The following DTD1 variants were observed in gnomAD, a reference collection of about 807,000 sequenced individuals.
The protein encoded by DTD1 is D-tyrosyl-tRNA deacylase 1 homolog.
DTD1 carries 13 observed loss-of-function variants against 25.6 expected under a neutral mutation model. That is an observed-to-expected ratio of 0.51 (90% CI 0.33 to 0.81). The LOEUF is 0.81. Ranked by LOEUF, DTD1 falls within the 30% of genes least tolerant of loss-of-function variation. DTD1 has a pLI of 0.02. For synonymous variants in DTD1, 110 were observed against 103.6 expected (o/e 1.06, Z -0.37); for missense variants, 193 against 266.4 (o/e 0.72, Z 1.92).
At chr20:18,760,140 T>C (rs1158179991) in intron 5 of DTD1, among the ~76,000 whole-genome samples, 1 of 152,214 alleles carries the variant, frequency 6.6e-6, no homozygotes, top group Non-Finnish European at 1.5e-5. Context: ...ATTCGTCTAA[T>C]CTTTTTTCAA....
chr20:18,594,839 C>T (rs546707372), intron 2 of DTD1, among the ~76,000 whole-genome samples: 8 of 152,176 alleles, frequency 5.3e-5, no homozygotes, highest in Non-Finnish European at 8.8e-5. Flanking sequence ...CTCTGACATA[C>T]TACAGAGCTA....
chr20:18,677,474 G>T (rs182162809), intron 4 of DTD1, among the ~76,000 whole-genome samples: 176 of 152,228 alleles, frequency 1.2e-3, no homozygotes, highest in African/African-American at 3.5e-3. Context: ...CTGGGGAGGG[G>T]TGATCAAAAC....
intron 4 of DTD1, among the ~76,000 whole-genome samples, chr20:18,687,210 TAGGTAGAGGG>T (rs1395902639): frequency 3.9e-5 from 6 of 152,116 alleles, no homozygotes; most frequent in Non-Finnish European, 8.8e-5. Flanking sequence ...AAGGACATCC[TAGGTAGAGGG>T]AACTTCCAGG....
chr20:18,650,573 T>G (rs2060870606), intron 4 of DTD1, among the ~76,000 whole-genome samples: 1 of 152,252 alleles, frequency 6.6e-6, no homozygotes, highest in African/African-American at 2.4e-5. Context: ...TTGTCAGACT[T>G]ATCTTTTAAA....
At chr20:18,756,764 G>A (rs2061341040) in intron 5 of DTD1, among the ~76,000 whole-genome samples, 1 of 151,742 alleles carries the variant, frequency 6.6e-6, no homozygotes, top group Non-Finnish European at 1.5e-5. Context: ...CTCTTTTTTG[G>A]TTCCATATGA....
chr20:18,759,072 GT>G (rs960680588), intron 5 of DTD1, among the ~76,000 whole-genome samples: 1 of 151,624 alleles, frequency 6.6e-6, no homozygotes, highest in East Asian at 1.9e-4. Context: ...GCCTTTTTTT[GT>G]TTTTTCATTT....
intron 4 of DTD1, among the ~76,000 whole-genome samples, chr20:18,717,417 G>C (rs2061185440): frequency 6.6e-6 from 1 of 152,020 alleles, no homozygotes; most frequent in African/African-American, 2.4e-5. Context: ...ATAAGTTTTT[G>C]GTAAATTTTA....
At chr20:18,726,496 G>C (rs2122498955) in intron 4 of DTD1, among the ~76,000 whole-genome samples, 1 of 152,212 alleles carries the variant, frequency 6.6e-6, no homozygotes, top group South Asian at 2.1e-4. Flanking sequence ...ACATAATTCA[G>C]CCTGTCACTC....
chr20:18,760,174 G>A (rs887366935), intron 5 of DTD1, among the ~76,000 whole-genome samples: 1 of 152,092 alleles, frequency 6.6e-6, no homozygotes, highest in African/African-American at 2.4e-5. Flanking sequence ...TTTGCCATGG[G>A]TTCGAACTTC....
chr20:18,620,845 T>C (rs1276766435), intron 3 of DTD1, among the ~76,000 whole-genome samples: 1 of 152,194 alleles, frequency 6.6e-6, no homozygotes, highest in Non-Finnish European at 1.5e-5. Context: ...CTCCTGCCTC[T>C]CAGCCTCCCA....
intron 3 of DTD1, among the ~76,000 whole-genome samples, chr20:18,599,300 G>A (rs770536425): frequency 3.3e-5 from 5 of 151,814 alleles, no homozygotes; most frequent in Non-Finnish European, 7.4e-5. Flanking sequence ...TCAGCCTTCC[G>A]AGTAGCTGGG....
At chr20:18,614,468 A>G (rs574438460) in intron 3 of DTD1, among the ~76,000 whole-genome samples, 15 of 152,308 alleles carry the variant, frequency 9.8e-5, no homozygotes, top group Admixed American at 9.8e-4. Context: ...CCAGGTCCCC[A>G]GTAAAGCCGC....
At chr20:18,730,593 T>C (rs764536375) in intron 4 of DTD1, among the ~76,000 whole-genome samples, 1 of 152,220 alleles carries the variant, frequency 6.6e-6, no homozygotes, top group Non-Finnish European at 1.5e-5. Context: ...GGCATTTGCA[T>C]TTATTTACAA....
At chr20:18,637,605 G>A (rs2060812201) in intron 4 of DTD1, among the ~76,000 whole-genome samples, 2 of 152,132 alleles carry the variant, frequency 1.3e-5, no homozygotes, top group South Asian at 2.1e-4. Context: ...CTCATCTGTC[G>A]AAGTGTTAAT....
In DTD1 at chr20:18,639,754, A is replaced by G. The variant is rs115991311; in HGVS notation, c.477+11521A>G. Among the ~76,000 whole-genome samples, 619 of 152,314 alleles carry G rather than the reference A, an allele frequency of 4.1e-3. 2 individuals are homozygous for G. Among genetic ancestry groups the G allele is most frequent in the African/African-American group, 0.014 (566 of 41,566 alleles). On this transcript the variant is annotated intron_variant, in intron 4 of 5. Coordinates refer to ENST00000377452, the MANE Select transcript of DTD1 (RefSeq NM_080820.6). ...AAGTCAATTTCTTTTTCTATTTTTAATCATGAAAGTGAAGCCCGGAAGCCT... is the reference window on the plus strand; with the variant it reads ...AAGTCAATTTCTTTTTCTATTTTTAGTCATGAAAGTGAAGCCCGGAAGCCT...
intron 4 of DTD1, among the ~76,000 whole-genome samples, chr20:18,740,315 T>TTTTTG (rs928038619): frequency 1.3e-5 from 2 of 152,228 alleles, no homozygotes; most frequent in African/African-American, 2.4e-5. Flanking sequence ...TTTTGTTTTT[T>TTTTTG]TTTTGTTTTG....
At chr20:18,704,393 G>A (rs111880042) in intron 4 of DTD1, among the ~76,000 whole-genome samples, 5 of 152,212 alleles carry the variant, frequency 3.3e-5, no homozygotes, top group African/African-American at 1.2e-4. Flanking sequence ...GCTTACATGG[G>A]CAGAAACCTT....
At chr20:18,736,633 A>G (rs1197745931) in intron 4 of DTD1, among the ~76,000 whole-genome samples, 1 of 152,210 alleles carries the variant, frequency 6.6e-6, no homozygotes, top group Non-Finnish European at 1.5e-5. Context: ...CATATCATGT[A>G]CAGAAAAACA....
At chr20:18,618,606 T>A (rs1254291797) in intron 3 of DTD1, among the ~76,000 whole-genome samples, 1 of 150,254 alleles carries the variant, frequency 6.7e-6, no homozygotes, top group East Asian at 1.9e-4. Context: ...TACATACATA[T>A]GTGTGTGTAT....
Sources: allele counts gnomAD v4.1 joint callset (sites outside exome capture counted in the v4.1 genomes callset), GRCh38; gene constraint gnomAD v4.1.1; transcripts MANE v1.5; gene names NCBI Gene and HGNC (gene_info 2026-07-23, HGNC 2026-07-21).